Variants in PCSK5 observed in about 807,000 individuals in gnomAD.
The protein encoded by PCSK5 is proprotein convertase subtilisin/kexin type 5, also known as prohormone convertase 5.
A neutral mutation model predicts 233.2 loss-of-function variants in PCSK5; 129 were observed. The ratio of observed to expected loss-of-function variants is 0.55; its 90% CI spans 0.48 to 0.64. PCSK5 has a LOEUF of 0.64. Ranked by LOEUF, PCSK5 falls within the 30% of genes least tolerant of loss-of-function variation. The pLI, the probability that PCSK5 is intolerant of heterozygous loss-of-function variation, is 0.00. For missense variants in PCSK5, 2,076 were observed against 2,430.1 expected (o/e 0.85, Z 3.06); for synonymous variants, 825 against 879.2 (o/e 0.94, Z 1.09).
chr9:76,264,570 G>A (rs543458622), intron 24 of PCSK5, among the ~76,000 whole-genome samples: 48 of 151,792 alleles, frequency 3.2e-4, no homozygotes, highest in Non-Finnish European at 5.9e-4. Context: ...AATTCAACAA[G>A]CAAAATAAAA....
chr9:76,267,826 T>C (rs1204060451), intron 24 of PCSK5, among the ~76,000 whole-genome samples: 1 of 152,208 alleles, frequency 6.6e-6, no homozygotes, highest in African/African-American at 2.4e-5. Flanking sequence ...GATTTATTTA[T>C]AAATTTTTGT....
intron 21 of PCSK5, 107 bp from the exon 22 acceptor site, chr9:76,233,353 C>A: frequency 9.0e-7 from 1 of 1,113,744 alleles, no homozygotes; most frequent in Non-Finnish European, 1.3e-6. Flanking sequence ...GTTTCTGGAA[C>A]AATGAAGTCA....
chr9:76,214,787 C>T (rs1168740803), intron 20 of PCSK5, among the ~76,000 whole-genome samples: 4 of 152,164 alleles, frequency 2.6e-5, no homozygotes, highest in Non-Finnish European at 5.9e-5. Flanking sequence ...GCCTTGGTTT[C>T]CTCATCTGTA....
chr9:75,979,919 T>C (rs1369305640), intron 2 of PCSK5, among the ~76,000 whole-genome samples: 3 of 152,242 alleles, frequency 2.0e-5, no homozygotes, highest in Non-Finnish European at 4.4e-5. Context: ...CATCCTGTAG[T>C]TTATCCAGAG....
At chr9:76,054,395 T>C (rs1457855513) in intron 5 of PCSK5, among the ~76,000 whole-genome samples, 1 of 152,234 alleles carries the variant, frequency 6.6e-6, no homozygotes, top group East Asian at 1.9e-4. Context: ...CATAATTTTT[T>C]GTGTTGTTTC....
At chr9:76,043,335 CAAAAA>C (rs71372040) in intron 5 of PCSK5, among the ~76,000 whole-genome samples, 9 of 64,018 alleles carry the variant, frequency 1.4e-4, no homozygotes, top group South Asian at 7.3e-4. Context: ...GACTCCATCT[CAAAAA>C]AAAAAAAAAA....
chr9:76,346,641 C>T (rs1241279234), intron 35 of PCSK5, among the ~76,000 whole-genome samples: 1 of 152,070 alleles, frequency 6.6e-6, no homozygotes, highest in Non-Finnish European at 1.5e-5. Flanking sequence ...TACTATAGCA[C>T]ATATGTCCCT....
At chr9:76,080,049 T>G (rs1197715097) in intron 7 of PCSK5, among the ~76,000 whole-genome samples, 1 of 152,202 alleles carries the variant, frequency 6.6e-6, no homozygotes, top group Admixed American at 6.5e-5. Flanking sequence ...GGATTCAGTT[T>G]CTTATGTCCT....
At chr9:76,116,365 C>T (rs1031582601) in intron 9 of PCSK5, among the ~76,000 whole-genome samples, 2 of 152,012 alleles carry the variant, frequency 1.3e-5, no homozygotes, top group Non-Finnish European at 2.9e-5. Context: ...AATTCTGAAC[C>T]TTATTGAGTA....
intron 31 of PCSK5, among the ~76,000 whole-genome samples, chr9:76,322,278 A>G (rs1317872242): frequency 1.3e-5 from 2 of 152,200 alleles, no homozygotes; most frequent in African/African-American, 2.4e-5. Context: ...ACAAAATCTT[A>G]CAGACTGATA....
intron 28 of PCSK5, among the ~76,000 whole-genome samples, chr9:76,308,185 AG>A (rs1262088364): frequency 1.3e-5 from 2 of 152,226 alleles, no homozygotes; most frequent in Non-Finnish European, 2.9e-5. Flanking sequence ...CTACAGAGTG[AG>A]ACTCTGTCTC....
intron 20 of PCSK5, among the ~76,000 whole-genome samples, chr9:76,219,496 T>G (rs1200671335): frequency 2.0e-5 from 3 of 152,212 alleles, no homozygotes; most frequent in South Asian, 2.1e-4. Context: ...TGGGTGGTAT[T>G]AAGCTCTGTG....
chr9:76,172,187 G>A (rs1324574956), intron 13 of PCSK5, among the ~76,000 whole-genome samples: 1 of 152,100 alleles, frequency 6.6e-6, no homozygotes, highest in Non-Finnish European at 1.5e-5. Context: ...TACATATTAA[G>A]AGCATTTGAG....
intron 23 of PCSK5, among the ~76,000 whole-genome samples, chr9:76,240,303 C>G (rs1223284742): frequency 1.3e-5 from 2 of 152,146 alleles, no homozygotes; most frequent in Admixed American, 1.3e-4. Flanking sequence ...TTTACATACC[C>G]AATTCCATTT....
At chr9:76,286,060 C>T (rs1300485629) in intron 24 of PCSK5, among the ~76,000 whole-genome samples, 4 of 152,148 alleles carry the variant, frequency 2.6e-5, no homozygotes, top group African/African-American at 4.8e-5. Context: ...AAAATTAGTA[C>T]TAGTAACCTT....
At chr9:75,934,444 C>T (rs945737215) in intron 2 of PCSK5, among the ~76,000 whole-genome samples, 11 of 152,032 alleles carry the variant, frequency 7.2e-5, no homozygotes, top group South Asian at 2.1e-4. Flanking sequence ...TGTTAGCCTC[C>T]GGGATTTGGA....
intron 20 of PCSK5, chr9:76,193,457 C>G (rs1384467186): frequency 2.5e-6 from 2 of 803,706 alleles, no homozygotes; most frequent in Non-Finnish European, 3.6e-6. Flanking sequence ...CCACCTCTCT[C>G]TTTCTTTTCT....
chr9:76,323,886 C>T (rs987897712), intron 32 of PCSK5, among the ~76,000 whole-genome samples: 1 of 150,902 alleles, frequency 6.6e-6, no homozygotes, highest in African/African-American at 2.4e-5. Flanking sequence ...CAAATTGTGA[C>T]ACCATAAGGG....
intron 2 of PCSK5, among the ~76,000 whole-genome samples, chr9:75,939,658 A>G (rs960918208): frequency 6.6e-6 from 1 of 152,194 alleles, no homozygotes; most frequent in African/African-American, 2.4e-5. Context: ...GGTAGGGCAT[A>G]TTTGACTTTT....
Sources: gnomAD v4.1 joint callset for allele counts (sites outside exome capture counted in the v4.1 genomes callset) on GRCh38, gnomAD v4.1.1 for gene constraint, MANE v1.5 for transcripts, NCBI Gene and HGNC (gene_info 2026-07-23, HGNC 2026-07-21) for gene names.